TM2D1: variants seen among roughly 807,000 people sequenced by gnomAD.
The protein encoded by TM2D1 is TM2 domain containing 1.
Under a neutral mutation model 28.4 loss-of-function variants are expected in TM2D1, and 15 were observed. That is an observed-to-expected ratio of 0.53 (90% CI 0.35 to 0.81). The LOEUF (loss-of-function observed/expected upper bound fraction) is 0.81, where lower values mean the gene tolerates loss of function less well. Among genes scored for constraint, TM2D1 ranks in the 40% least tolerant of loss-of-function variants. TM2D1 has a pLI of 0.01. For synonymous variants in TM2D1, 93 were observed against 96.2 expected, an observed-to-expected ratio of 0.97 and a Z score of 0.20; for missense variants, 236 against 254.9, an observed-to-expected ratio of 0.93 and a Z score of 0.50.
In TM2D1 at chr1:61,683,447, A is replaced by T; in HGVS notation, c.613T>A (p.Leu205Ile). The change falls in exon 6 of 7, where the codon TTA (leucine) becomes ATA (isoleucine). Residue 205 changes from leucine (L) to isoleucine (I), a missense_variant. This residue lies in a region of TM2D1 where 64 missense variants were observed against 73.1 expected (regional missense o/e 0.88). Transcript: ENST00000606498. ...CTTTTAAAAAATATTTATGGATATA[A>T]TTGCGTTTTTCTAAATGTTTCATTA... ...ITNETFRKTQ[L>I]YP 3 of 1,395,446 alleles carry T rather than the reference A, an allele frequency of 2.1e-6. No homozygotes were observed. Among genetic ancestry groups the T allele is most frequent in the Non-Finnish European group, 2.9e-6 (3 of 1,034,622 alleles). The allele number at this position is 1,395,446 out of a possible 1,614,324, so 86.4% of individuals were successfully genotyped here.
chr1:61,696,485 G>C (rs1029595328), intron 4 of TM2D1, among the ~76,000 whole-genome samples: 1 of 150,704 alleles, frequency 6.6e-6, no homozygotes, highest in Non-Finnish European at 1.5e-5. Flanking sequence ...GTTGCAGTGA[G>C]CTGAGACTGT....
intron 5 of TM2D1, among the ~76,000 whole-genome samples, chr1:61,685,849 A>T (rs1440933261): frequency 6.6e-6 from 1 of 152,222 alleles, no homozygotes; most frequent in African/African-American, 2.4e-5. Flanking sequence ...TACCAAAAAA[A>T]ATGAAAATAA....
chr1:61,714,826 G>C (rs1458582156), intron 2 of TM2D1, among the ~76,000 whole-genome samples: 1 of 152,152 alleles, frequency 6.6e-6, no homozygotes, highest in African/African-American at 2.4e-5. Flanking sequence ...AAAGGTGTGA[G>C]CCACCATGCC....
intron 4 of TM2D1, among the ~76,000 whole-genome samples, chr1:61,697,270 A>G (rs1644369806): frequency 6.6e-6 from 1 of 152,062 alleles, no homozygotes; most frequent in South Asian, 2.1e-4. Context: ...TTAACAGTGA[A>G]CTGGTAAGTT....
intron 3 of TM2D1, 92 bp downstream of exon 3, chr1:61,709,237 G>T: frequency 2.6e-6 from 2 of 759,538 alleles, no homozygotes; most frequent in Non-Finnish European, 4.4e-6. Context: ...ACATTTTCAG[G>T]ATAGTCCCCA....
At chr1:61,683,803 C>G in intron 5 of TM2D1, 1 of 254,934 alleles carries the variant, frequency 3.9e-6, no homozygotes, top group Non-Finnish European at 7.4e-6. Flanking sequence ...CTTGGCTTCC[C>G]TGCCTCCTTG....
intron 4 of TM2D1, chr1:61,699,134 G>C (rs569665387): frequency 6.6e-5 from 10 of 152,268 alleles, no homozygotes; most frequent in Non-Finnish European, 8.8e-5. Context: ...CTTGAGCCCA[G>C]GAGTTCTAGA....
chr1:61,714,679 C>A (rs1644504071), intron 2 of TM2D1, among the ~76,000 whole-genome samples: 1 of 152,202 alleles, frequency 6.6e-6, no homozygotes, highest in African/African-American at 2.4e-5. Flanking sequence ...CTCAGTCTCC[C>A]AAGTAGGTGG....
intron 2 of TM2D1, among the ~76,000 whole-genome samples, chr1:61,717,074 T>A (rs2787461): frequency 2.7e-4 from 41 of 152,044 alleles, no homozygotes; most frequent in Non-Finnish European, 4.4e-5. Flanking sequence ...TATGGCCGGG[T>A]GCAGTGGCTC....
Position 61,725,024 on chromosome 1 carries a change from A to G in TM2D1, c.97T>C (p.Trp33Arg), listed in dbSNP as rs759894256. Reference protein sequence around the residue: ...LWFVSVTTGPWGAVATSAGGE... With the variant: ...LWFVSVTTGPRGAVATSAGGE... ...CCGGCGGAGGTGGCAACAGCCCCCCAGGGTCCTGTAGTGACTGAGACGAAC... is the reference window on the plus strand; with the variant it reads ...CCGGCGGAGGTGGCAACAGCCCCCCGGGGTCCTGTAGTGACTGAGACGAAC... The change falls in exon 1 of 7, where the codon TGG becomes CGG. Residue 33 changes from tryptophan (W) to arginine (R), a missense_variant. Physicochemically the swap from Trp to Arg is moderately radical, Grantham distance 101 (BLOSUM62 -3). Transcript: ENST00000606498. The G allele has an allele frequency of 3.5e-5, 56 of 1,612,358 alleles. No homozygotes were observed. The highest frequency in any genetic ancestry group is 4.8e-5 in the Non-Finnish European group (56 of 1,178,700).
chr1:61,691,947 ATATATATATATATG>A, intron 5 of TM2D1, among the ~76,000 whole-genome samples: 1 of 133,116 alleles, frequency 7.5e-6, no homozygotes, highest in Middle Eastern at 4.1e-3. Flanking sequence ...ATATATATAT[ATATATATATATATG>A]TATATATATA....
intron 2 of TM2D1, among the ~76,000 whole-genome samples, chr1:61,720,235 A>G (rs1644553491): frequency 6.6e-6 from 1 of 151,892 alleles, no homozygotes; most frequent in African/African-American, 2.4e-5. Context: ...CCCAGACAGG[A>G]CACTTCTTTT....
rs531454453 is a variant in TM2D1, at chr1:61,698,200, T to A, written c.439+2734A>T. ...TTCATATGACAAATATTTATCAGAGTCTTACTGTCAGGTTCTGTTCAGGAT... is the reference window on the plus strand; with the variant it reads ...TTCATATGACAAATATTTATCAGAGACTTACTGTCAGGTTCTGTTCAGGAT... On this transcript the variant is annotated intron_variant, in intron 4 of 6. Coordinates refer to ENST00000606498, the MANE Select transcript of TM2D1 (RefSeq NM_032027.3). The A allele has an allele frequency of 3.9e-4, 59 of 152,236 alleles. 1 individual carries two copies. Among genetic ancestry groups the A allele is most frequent in the African/African-American group, 1.3e-3 (55 of 41,538 alleles). 9.4% of individuals were successfully genotyped at this position (152,236 alleles called of 1,614,324 possible). A position where few individuals can be genotyped will look rare whatever the true frequency, so the allele number is the denominator to read the frequency against.
At chr1:61,683,232 T>C in intron 6 of TM2D1, 185 bp downstream of exon 6, 1 of 267,512 alleles carries the variant, frequency 3.7e-6, no homozygotes, top group South Asian at 1.5e-4. Context: ...GAGTCTGAAG[T>C]GGGAACCGAA....
chr1:61,695,332 A>G (rs920444863), intron 4 of TM2D1, among the ~76,000 whole-genome samples: 1 of 152,154 alleles, frequency 6.6e-6, no homozygotes, highest in African/African-American at 2.4e-5. Flanking sequence ...GTCAAAATCA[A>G]CAATTCTGTG....
intron 2 of TM2D1, among the ~76,000 whole-genome samples, chr1:61,723,340 T>C (rs770610932): frequency 6.6e-6 from 1 of 152,194 alleles, no homozygotes; most frequent in Non-Finnish European, 1.5e-5. Flanking sequence ...TCATAGATGA[T>C]ATAAGTGGAG....
At chr1:61,693,490 T>C (rs1644342857) in intron 5 of TM2D1, among the ~76,000 whole-genome samples, 2 of 152,226 alleles carry the variant, frequency 1.3e-5, no homozygotes, top group Admixed American at 6.5e-5. Context: ...AGCTCATTTC[T>C]AAGCATATGT....
chr1:61,719,470 T>C (rs894978095), intron 2 of TM2D1, among the ~76,000 whole-genome samples: 1 of 151,886 alleles, frequency 6.6e-6, no homozygotes, highest in Non-Finnish European at 1.5e-5. Context: ...AAAGGGTATA[T>C]GGATGGAGTT....
At chr1:61,715,645 C>CAAAAA (rs759796747) in intron 2 of TM2D1, among the ~76,000 whole-genome samples, 35 of 16,430 alleles carry the variant, frequency 2.1e-3, no homozygotes, top group Non-Finnish European at 2.8e-3. Context: ...AAGACTGTCT[C>CAAAAA]AAAAAAAAAA....
Sources: gnomAD v4.1 joint callset for allele counts (sites outside exome capture counted in the v4.1 genomes callset) on GRCh38, gnomAD v4.1.1 for gene constraint, gnomAD v4.1.1 regional missense constraint, MANE v1.5 for transcripts, NCBI Gene and HGNC (gene_info 2026-07-23, HGNC 2026-07-21) for gene names.